Variants in DMD observed in about 807,000 individuals in gnomAD.
DMD encodes dystrophin, also known as mutant dystrophin.
Under a neutral mutation model 330.1 loss-of-function variants are expected in DMD, and 63 were observed. The ratio of observed to expected loss-of-function variants is 0.19; its 90% CI spans 0.16 to 0.24. The LOEUF is 0.24. Among genes scored for constraint, DMD ranks in the 10% least tolerant of loss-of-function variants. The probability of loss-of-function intolerance (pLI) is 1.00; values close to 1 mark genes in which losing one functional copy is unlikely to be tolerated. For missense variants in DMD, 3,344 were observed against 2,684.1 expected (o/e 1.25, Z -5.43); for synonymous variants, 1,223 against 959.8 (o/e 1.27, Z -5.07).
chrX:32,342,821 C>T (rs887486110), intron 40 of DMD: 2 of 370,086 alleles, frequency 5.4e-6, no homozygotes, highest in Admixed American at 3.0e-5. Context: ...AGTAAGAAGT[C>T]GTCCATATAC....
chrX:32,489,840 C>T (rs900340035), intron 20 of DMD, among the ~76,000 whole-genome samples: 1 of 111,761 alleles, frequency 8.9e-6, no homozygotes, highest in Non-Finnish European at 1.9e-5. Context: ...ACAGGAAAAG[C>T]GGCATTGGTT....
intron 44 of DMD, among the ~76,000 whole-genome samples, chrX:32,061,366 A>G (rs919048301): frequency 3.6e-5 from 4 of 111,236 alleles, no homozygotes; most frequent in African/African-American, 6.5e-5. Flanking sequence ...TCCTCATCTC[A>G]GCTGGTAAGA....
chrX:32,707,092 G>A (rs1386862667), intron 7 of DMD, among the ~76,000 whole-genome samples: 1 of 100,611 alleles, frequency 9.9e-6, no homozygotes, highest in African/African-American at 4.8e-5. Flanking sequence ...ACTCCGTCTC[G>A]GAGGGGGTAA....
At chrX:31,452,862 G>A (rs781715953) in intron 59 of DMD, among the ~76,000 whole-genome samples, 1 of 111,798 alleles carries the variant, frequency 8.9e-6, no homozygotes, top group Non-Finnish European at 1.9e-5. Context: ...GAACAGGGAA[G>A]TATTGACCAC....
At chrX:32,773,516 ATTT>A (rs35272633) in intron 7 of DMD, among the ~76,000 whole-genome samples, 37 of 90,258 alleles carry the variant, frequency 4.1e-4, no homozygotes, top group African/African-American at 1.0e-3. Context: ...TATACTTTTT[ATTT>A]TTTTTTTTTT....
At chrX:32,070,998 C>G (rs983240241) in intron 44 of DMD, among the ~76,000 whole-genome samples, 1 of 111,504 alleles carries the variant, frequency 9.0e-6, no homozygotes, top group Admixed American at 9.5e-5. Flanking sequence ...GTGAACTCAT[C>G]CTTTTTTATG....
intron 4 of DMD, among the ~76,000 whole-genome samples, chrX:32,823,811 G>A (rs1445116855): frequency 1.8e-5 from 2 of 111,393 alleles, no homozygotes; most frequent in African/African-American, 6.5e-5. Flanking sequence ...TGAATGTTAG[G>A]TCTCTAATAA....
At chrX:31,895,540 C>A (rs1416024345) in intron 47 of DMD, among the ~76,000 whole-genome samples, 1 of 111,704 alleles carries the variant, frequency 9.0e-6, no homozygotes, top group Non-Finnish European at 1.9e-5. Flanking sequence ...ACAATACCAG[C>A]TGAATATGAT....
intron 62 of DMD, among the ~76,000 whole-genome samples, chrX:31,309,710 C>T (rs2178537): frequency 0.18 from 19,499 of 111,033 alleles, 1,288 homozygotes; most frequent in Admixed American, 0.22. Flanking sequence ...ATCACACATG[C>T]GTTTCCAAAA....
intron 45 of DMD, 26 bp from the exon 46 acceptor site, chrX:31,932,253 A>AT (rs768654543): frequency 3.4e-4 from 381 of 1,124,210 alleles, no homozygotes; most frequent in East Asian, 2.2e-3. Flanking sequence ...TAAAATTGTT[A>AT]TTTTTTTTTC....
chrX:32,339,891 G>T (rs1327830247), intron 41 of DMD, among the ~76,000 whole-genome samples: 3 of 111,611 alleles, frequency 2.7e-5, no homozygotes, highest in African/African-American at 9.8e-5. Context: ...GAATATAGGG[G>T]GAGGTAAGAA....
chrX:33,286,905 C>T (rs2053441576), intron 1 of DMD, among the ~76,000 whole-genome samples: 1 of 112,279 alleles, frequency 8.9e-6, no homozygotes, highest in African/African-American at 3.2e-5. Context: ...AATATATCTT[C>T]TCTGCTGTTT....
chrX:33,191,323 C>A (rs1402934482), intron 1 of DMD, among the ~76,000 whole-genome samples: 2 of 108,991 alleles, frequency 1.8e-5, no homozygotes, highest in Admixed American at 2.0e-4. Context: ...CCTGTGTCAT[C>A]TAACAAATAG....
intron 1 of DMD, among the ~76,000 whole-genome samples, chrX:33,303,480 G>T (rs747758268): frequency 9.0e-5 from 10 of 110,871 alleles, no homozygotes; most frequent in Non-Finnish European, 1.5e-4. Flanking sequence ...TAGGAATATG[G>T]GATGGGAAGA....
At chrX:32,691,544 T>C (rs1004329300) in intron 9 of DMD, among the ~76,000 whole-genome samples, 3 of 111,552 alleles carry the variant, frequency 2.7e-5, no homozygotes, top group Non-Finnish European at 5.7e-5. Context: ...ATTGGAACTA[T>C]TGTACACCGT....
Position 31,260,991 on chromosome X carries a change from C to G in DMD, c.9250G>C (p.Asp3084His). 1 of 1,210,922 alleles carries G rather than the reference C, an allele frequency of 8.3e-7. No individual in the cohort carries two copies. Among genetic ancestry groups the G allele is most frequent in the South Asian group, 1.8e-5 (1 of 56,859 alleles). The change falls in exon 63 of 79, where the codon GAC becomes CAC. Residue 3084 changes from aspartate (D) to histidine (H), a missense_variant. Asp to His is a moderately conservative substitution (Grantham distance 81). Transcript: ENST00000357033. ...TAGAGCTCTGTCATTTTGGGATGGTCCCAGCAAGTTGTTTGAGTCTCGTGG... is the reference window on the plus strand; with the variant it reads ...TAGAGCTCTGTCATTTTGGGATGGTGCCAGCAAGTTGTTTGAGTCTCGTGG... ...INHETQTTCWDHPKMTELYQS... is the reference protein window; with the variant it reads ...INHETQTTCWHHPKMTELYQS...
chrX:32,394,920 A>AAAAC (rs1557326790), intron 30 of DMD, among the ~76,000 whole-genome samples: 17 of 60,388 alleles, frequency 2.8e-4, no homozygotes, highest in Admixed American at 6.6e-4. Context: ...AAAAAACAAA[A>AAAAC]AAAAAAAAAA....
intron 44 of DMD, among the ~76,000 whole-genome samples, chrX:32,094,124 C>T (rs922706561): frequency 9.0e-6 from 1 of 111,663 alleles, no homozygotes; most frequent in Non-Finnish European, 1.9e-5. Flanking sequence ...TTCAAGAGTC[C>T]TACTGATTGT....
At position 31,785,556 on chromosome X, in the gene DMD, C is replaced by T. The variant is rs150743213; in HGVS notation, c.7310-11364G>A. 4.3e-3 allele frequency among the ~76,000 whole-genome samples: 475 copies of T among 111,225 alleles called. 2 individuals carry two copies. Among genetic ancestry groups the T allele is most frequent in the African/African-American group, 0.014 (416 of 30,587 alleles). ...TGCCATGGTGGTTTGCTGTACCCAT[C>T]AACCCTTCATCTACATTAGGTATTT... is the stretch of plus-strand genomic sequence containing the variant. On this transcript the variant is annotated intron_variant, in intron 50 of 78. Transcript: ENST00000357033.
Sources: allele counts gnomAD v4.1 joint callset (sites outside exome capture counted in the v4.1 genomes callset), GRCh38; gene constraint gnomAD v4.1.1; transcripts MANE v1.5; gene names NCBI Gene and HGNC (gene_info 2026-07-23, HGNC 2026-07-21).